Variants in VAV3 observed in about 807,000 individuals in gnomAD.
VAV3 encodes vav guanine nucleotide exchange factor 3.
VAV3 carries 94 observed loss-of-function variants against 131.2 expected under a neutral mutation model. That is an observed-to-expected ratio of 0.72 (90% CI 0.61 to 0.85). The LOEUF is 0.85. VAV3 is among the 40% of genes least tolerant of loss of function. VAV3 has a pLI of 0.00. For missense variants in VAV3, 939 were observed against 1,002.7 expected, an observed-to-expected ratio of 0.94 and a Z score of 0.86; for synonymous variants, 349 against 342.0, an observed-to-expected ratio of 1.02 and a Z score of -0.22.
intron 17 of VAV3, among the ~76,000 whole-genome samples, chr1:107,698,653 CCT>C (rs1398208646): frequency 6.6e-6 from 1 of 152,052 alleles, no homozygotes; most frequent in Non-Finnish European, 1.5e-5. Context: ...TATTATTGGC[CCT>C]GTTTTACAAG....
intron 1 of VAV3, among the ~76,000 whole-genome samples, chr1:107,935,675 C>A (rs1051760372): frequency 2.0e-5 from 3 of 152,090 alleles, no homozygotes; most frequent in African/African-American, 4.8e-5. Context: ...GGCAAAGGGA[C>A]AATAGGGTGC....
chr1:107,808,810 T>A (rs1667183470), intron 2 of VAV3, among the ~76,000 whole-genome samples: 1 of 152,172 alleles, frequency 6.6e-6, no homozygotes, highest in Non-Finnish European at 1.5e-5. Context: ...TGAAGTTTTT[T>A]TCCAACTGTT....
At chr1:107,743,148 A>G (rs1021031464) in intron 15 of VAV3, among the ~76,000 whole-genome samples, 2 of 152,220 alleles carry the variant, frequency 1.3e-5, no homozygotes, top group Non-Finnish European at 2.9e-5. Context: ...AAAACCAGTC[A>G]GGGCCTTCTT....
chr1:107,895,077 A>G (rs1571106741), intron 1 of VAV3, among the ~76,000 whole-genome samples: 1 of 152,064 alleles, frequency 6.6e-6, no homozygotes, highest in East Asian at 1.9e-4. Flanking sequence ...AGAAATCAAG[A>G]GGAAGGGACT....
chr1:107,740,557 G>T, intron 15 of VAV3, among the ~76,000 whole-genome samples: 1 of 151,496 alleles, frequency 6.6e-6, no homozygotes, highest in East Asian at 1.9e-4. Context: ...AAACATTTTG[G>T]AGCTAAATCA....
chr1:107,613,663 T>A (rs1305733073), intron 21 of VAV3, among the ~76,000 whole-genome samples: 1 of 152,106 alleles, frequency 6.6e-6, no homozygotes. Flanking sequence ...GATTTAATTA[T>A]ATATTTTATT....
Position 107,768,458 on chromosome 1 carries a change from CT to C in VAV3, c.699del (p.Val234TyrfsTer9), listed in dbSNP as rs1188272511. 1 of 1,612,064 alleles carries C rather than the reference CT, an allele frequency of 6.2e-7. No individual in the cohort carries two copies. ...TTACTCACAGGAATGTTGATGAATACTGAATCAAATTCTGCTGCTGTCAGAA... is the reference window on the plus strand; with the variant it reads ...TTACTCACAGGAATGTTGATGAATACGAATCAAATTCTGCTGCTGTCAGAA... Reference protein sequence around the residue: ...KRFLTAAEFDSVFINIPELVK... With the variant: ...KRFLTAAEFDXVFINIPELVK... On this transcript the variant is annotated frameshift_variant, in exon 7 of 27. Coordinates refer to ENST00000370056, the MANE Select transcript of VAV3 (RefSeq NM_006113.5). LOFTEE classifies it high-confidence loss of function.
At chr1:107,576,764 T>C (rs1378752961) in intron 25 of VAV3, among the ~76,000 whole-genome samples, 2 of 152,202 alleles carry the variant, frequency 1.3e-5, no homozygotes, top group Non-Finnish European at 2.9e-5. Context: ...ATTCCCACTT[T>C]GTTACATCAG....
At chr1:107,678,465 AAAAAG>A (rs1373663759) in intron 19 of VAV3, among the ~76,000 whole-genome samples, 7 of 152,162 alleles carry the variant, frequency 4.6e-5, no homozygotes, top group African/African-American at 1.7e-4. Flanking sequence ...CTCCCTCATA[AAAAAG>A]AAAAGAGATA....
At chr1:107,856,711 C>A (rs949830088) in intron 2 of VAV3, among the ~76,000 whole-genome samples, 4 of 152,076 alleles carry the variant, frequency 2.6e-5, no homozygotes, top group African/African-American at 7.2e-5. Flanking sequence ...TTGTTTTTTA[C>A]TACAAAAATC....
intron 2 of VAV3, among the ~76,000 whole-genome samples, chr1:107,860,406 C>T (rs1259332019): frequency 6.9e-6 from 1 of 144,366 alleles, no homozygotes; most frequent in African/African-American, 2.4e-5. Context: ...AATTTAAGTT[C>T]TTGGGCTTTT....
intron 1 of VAV3, among the ~76,000 whole-genome samples, chr1:107,896,696 A>T (rs898467627): frequency 1.5e-5 from 2 of 131,990 alleles, no homozygotes; most frequent in Non-Finnish European, 3.2e-5. Context: ...TTTTATATTT[A>T]AAAAGACTGG....
intron 19 of VAV3, among the ~76,000 whole-genome samples, chr1:107,658,070 C>T (rs1265903715): frequency 1.3e-5 from 2 of 151,818 alleles, no homozygotes; most frequent in African/African-American, 4.9e-5. Context: ...TTCAATATCT[C>T]TTTCTAATGA....
chr1:107,705,159 G>A (rs976707163), intron 15 of VAV3, 98 bp from the exon 16 acceptor site: 1 of 954,916 alleles, frequency 1.0e-6, no homozygotes, highest in Admixed American at 2.0e-5. Context: ...ACATCAGGTA[G>A]AGATCTGATT....
chr1:107,886,804 C>T (rs1557902498), intron 1 of VAV3, among the ~76,000 whole-genome samples: 1 of 151,934 alleles, frequency 6.6e-6, no homozygotes, highest in East Asian at 1.9e-4. Flanking sequence ...TTTATATCTG[C>T]TGCTGCTCTG....
At chr1:107,959,447 G>A (rs1674976284) in intron 1 of VAV3, among the ~76,000 whole-genome samples, 1 of 151,938 alleles carries the variant, frequency 6.6e-6, no homozygotes, top group Admixed American at 6.6e-5. Context: ...ATCTGTTTTT[G>A]TCAAGGTCAC....
At chr1:107,610,217 G>A (rs572901106) in intron 21 of VAV3, among the ~76,000 whole-genome samples, 2 of 152,226 alleles carry the variant, frequency 1.3e-5, no homozygotes, top group African/African-American at 2.4e-5. Context: ...GATAGCAGGC[G>A]AATATGAACT....
At chr1:107,835,754 A>G (rs1275203071) in intron 2 of VAV3, among the ~76,000 whole-genome samples, 1 of 152,210 alleles carries the variant, frequency 6.6e-6, no homozygotes, top group East Asian at 1.9e-4. Flanking sequence ...CCATCTGCAC[A>G]GCCACAGCAT....
intron 11 of VAV3, among the ~76,000 whole-genome samples, chr1:107,755,737 A>C (rs1664066562): frequency 6.6e-6 from 1 of 152,204 alleles, no homozygotes; most frequent in Non-Finnish European, 1.5e-5. Context: ...CATTTGTCAC[A>C]CCACTGAGAA....
Sources: allele counts gnomAD v4.1 joint callset (sites outside exome capture counted in the v4.1 genomes callset), GRCh38; gene constraint gnomAD v4.1.1; transcripts MANE v1.5; gene names NCBI Gene and HGNC (gene_info 2026-07-23, HGNC 2026-07-21).